Variants in SLC16A10 observed in about 807,000 individuals in gnomAD.
The protein encoded by SLC16A10 is monocarboxylate transporter 10.
SLC16A10 carries 27 observed loss-of-function variants against 40.0 expected under a neutral mutation model. The observed-to-expected ratio is 0.67, with a 90% CI of 0.50 to 0.93. SLC16A10 has a LOEUF of 0.93. SLC16A10 is among the 40% of genes least tolerant of loss of function. The probability of loss-of-function intolerance (pLI) is 0.00; values close to 1 mark genes in which losing one functional copy is unlikely to be tolerated. For synonymous variants in SLC16A10, 213 were observed against 249.8 expected (o/e 0.85, Z 1.39); for missense variants, 529 against 658.2 (o/e 0.80, Z 2.15).
intron 3 of SLC16A10, among the ~76,000 whole-genome samples, chr6:111,196,457 C>T (rs1205146566): frequency 6.6e-6 from 1 of 152,186 alleles, no homozygotes; most frequent in African/African-American, 2.4e-5. Flanking sequence ...GCACTCCAGC[C>T]TAGGCAACAG....
intron 1 of SLC16A10, among the ~76,000 whole-genome samples, chr6:111,169,086 G>C (rs1226084275): frequency 6.6e-6 from 1 of 152,190 alleles, no homozygotes; most frequent in Non-Finnish European, 1.5e-5. Flanking sequence ...CCAACAAGGA[G>C]AGAACTGTGG....
intron 1 of SLC16A10, among the ~76,000 whole-genome samples, chr6:111,089,923 T>A (rs1466249957): frequency 9.1e-6 from 1 of 109,944 alleles, no homozygotes; most frequent in South Asian, 3.4e-4. Context: ...TTTTTTTTTT[T>A]TTTTTTTTTT....
chr6:111,185,425 A>G (rs168522), intron 3 of SLC16A10, among the ~76,000 whole-genome samples: 75,502 of 152,010 alleles, frequency 0.5, 19,515 homozygotes, highest in East Asian at 0.67. Context: ...CTGTTCCAGC[A>G]CTCAGAGCAT....
intron 1 of SLC16A10, among the ~76,000 whole-genome samples, chr6:111,112,686 C>A (rs1771411640): frequency 6.6e-6 from 1 of 152,152 alleles, no homozygotes; most frequent in African/African-American, 2.4e-5. Flanking sequence ...ATGGCACATT[C>A]CAATGTCTAT....
intron 1 of SLC16A10, among the ~76,000 whole-genome samples, chr6:111,121,957 A>C (rs972757585): frequency 6.6e-6 from 1 of 152,194 alleles, no homozygotes; most frequent in African/African-American, 2.4e-5. Context: ...ATGGGCTCTC[A>C]GCAGCTGGCT....
intron 1 of SLC16A10, among the ~76,000 whole-genome samples, chr6:111,145,179 G>T (rs1772054410): frequency 6.6e-6 from 1 of 151,654 alleles, no homozygotes; most frequent in South Asian, 2.1e-4. Flanking sequence ...AGACACTGTG[G>T]CTCTCACCTG....
intron 3 of SLC16A10, among the ~76,000 whole-genome samples, chr6:111,196,933 C>G (rs1247304839): frequency 2.6e-5 from 4 of 152,008 alleles, no homozygotes; most frequent in South Asian, 4.2e-4. Flanking sequence ...CCACGGATAC[C>G]AAGAGACTAA....
rs1771099426 is a variant in SLC16A10 at position 111,230,703 on chromosome 6, TGAAA to T, written c.*8471_*8474del. 6.6e-6 allele frequency: 1 copy of T among 152,242 alleles called. No homozygotes were observed. Among genetic ancestry groups the T allele is most frequent in the African/African-American group, 2.4e-5 (1 of 41,466 alleles). The allele number at this position is 152,242 out of a possible 1,614,324, so 9.4% of individuals were successfully genotyped here. On this transcript the variant is annotated 3_prime_UTR_variant, in exon 6 of 6. Transcript: ENST00000368851. The stretch of plus-strand genomic sequence containing the variant: ...ACAAATTGAACCCTGTAGTTATTAC[TGAAA>T]GAGAGTGTGGATATTTTAAGTATCT...
chr6:111,115,655 C>G (rs780315802), intron 1 of SLC16A10, among the ~76,000 whole-genome samples: 1 of 152,212 alleles, frequency 6.6e-6, no homozygotes, highest in Non-Finnish European at 1.5e-5. Flanking sequence ...CTTTCTTTCT[C>G]AGGCATGTGG....
In SLC16A10 at chr6:111,228,992, G is replaced by A. The variant is rs10457236; in HGVS notation, c.*6757G>A. Reference sequence around the variant, plus strand: ...TGCAGTGAGCCAAGATTGCACCATAGCACTCCAGCCTGGGCAACAAGAGCA... The same window carrying A: ...TGCAGTGAGCCAAGATTGCACCATAACACTCCAGCCTGGGCAACAAGAGCA... On this transcript the variant is annotated 3_prime_UTR_variant, in exon 6 of 6. Coordinates refer to ENST00000368851, the MANE Select transcript of SLC16A10 (RefSeq NM_018593.5). The A allele has an allele frequency of 0.11, 15,009 of 137,154 alleles. 1,011 individuals carry two copies. Among genetic ancestry groups the A allele is most frequent in the Middle Eastern group, 0.22 (50 of 228 alleles). The allele number at this position is 137,154 out of a possible 1,614,324, so 8.5% of individuals were successfully genotyped here.
At chr6:111,220,926 A>T (rs947394052) in intron 5 of SLC16A10, among the ~76,000 whole-genome samples, 2 of 152,244 alleles carry the variant, frequency 1.3e-5, no homozygotes, top group South Asian at 4.1e-4. Context: ...CATAATCATG[A>T]GTGTTCATAA....
chr6:111,121,689 C>T (rs1240198325), intron 1 of SLC16A10, among the ~76,000 whole-genome samples: 1 of 152,162 alleles, frequency 6.6e-6, no homozygotes, highest in African/African-American at 2.4e-5. Context: ...ACCTCCTTTT[C>T]CTTTGGTTTT....
chr6:111,182,322 TTTTTTTTTTTC>T (rs1455309224), intron 3 of SLC16A10, among the ~76,000 whole-genome samples: 2 of 143,828 alleles, frequency 1.4e-5, no homozygotes, highest in Admixed American at 6.9e-5. Flanking sequence ...TTTTTTTTTT[TTTTTTTTTTTC>T]CTTTTTAACG....
intron 4 of SLC16A10, among the ~76,000 whole-genome samples, chr6:111,211,200 A>T (rs1199178473): frequency 6.6e-6 from 1 of 152,084 alleles, no homozygotes; most frequent in Non-Finnish European, 1.5e-5. Context: ...GAGATGATGG[A>T]CTATGGTGCT....
At chr6:111,203,412 C>A (rs1033138752) in intron 3 of SLC16A10, among the ~76,000 whole-genome samples, 1 of 152,104 alleles carries the variant, frequency 6.6e-6, no homozygotes, top group Non-Finnish European at 1.5e-5. Flanking sequence ...TTTAAATAAT[C>A]ATGGCAGTAA....
At chr6:111,144,496 C>T (rs891949203) in intron 1 of SLC16A10, among the ~76,000 whole-genome samples, 2 of 152,182 alleles carry the variant, frequency 1.3e-5, no homozygotes, top group African/African-American at 4.8e-5. Context: ...AGCCACCGCG[C>T]CTGGCCTATT....
chr6:111,137,037 T>C (rs1219558053), intron 1 of SLC16A10, among the ~76,000 whole-genome samples: 1 of 152,116 alleles, frequency 6.6e-6, no homozygotes, highest in Non-Finnish European at 1.5e-5. Context: ...GTGGCAGTCT[T>C]ACACTGCTGT....
intron 1 of SLC16A10, among the ~76,000 whole-genome samples, chr6:111,150,621 G>A (rs1337852016): frequency 2.0e-5 from 3 of 152,202 alleles, no homozygotes; most frequent in African/African-American, 4.8e-5. Flanking sequence ...TGGATAATCA[G>A]AGAATTTGGA....
rs370271933 is a variant in SLC16A10, at chr6:111,222,181, T to C, written c.1494T>C (p.Ser498=). 6.2e-6 allele frequency: 10 copies of C among 1,606,886 alleles called. No homozygotes were observed. Among genetic ancestry groups the C allele is most frequent in the Non-Finnish European group, 5.9e-6 (7 of 1,177,984 alleles). ...KMEKMLENQN[S]LLSSSSGMFK... ...AGAAAATGTTGGAAAACCAGAACTC[T>C]CTGCTGTCAAGTTCATCTGGAATGT... is the stretch of plus-strand genomic sequence containing the variant. The change falls in exon 6 of 6, where the codon TCT becomes TCC. Residue 498 remains serine, a synonymous_variant. Transcript: ENST00000368851.
Sources: allele counts gnomAD v4.1 joint callset (sites outside exome capture counted in the v4.1 genomes callset), GRCh38; gene constraint gnomAD v4.1.1; transcripts MANE v1.5; gene names NCBI Gene and HGNC (gene_info 2026-07-23, HGNC 2026-07-21).